STK3: variants seen among roughly 807,000 people sequenced by gnomAD.
STK3 encodes the protein serine/threonine kinase 3.
In STK3, 41 loss-of-function variants were observed where a neutral mutation model predicts 58.0. That is an observed-to-expected ratio of 0.71 (90% CI 0.55 to 0.92). The LOEUF (loss-of-function observed/expected upper bound fraction) is 0.92. Ranked by LOEUF, STK3 falls within the 40% of genes least tolerant of loss-of-function variation. The pLI, the probability that STK3 is intolerant of heterozygous loss-of-function variation, is 0.00. For synonymous variants in STK3, 170 were observed against 191.0 expected (o/e 0.89, Z 0.91); for missense variants, 479 against 602.7 (o/e 0.79, Z 2.15).
chr8:98,555,658 G>T (rs1326953321), intron 8 of STK3, among the ~76,000 whole-genome samples: 1 of 151,884 alleles, frequency 6.6e-6, no homozygotes, highest in Admixed American at 6.6e-5. Context: ...ATATTCTTCA[G>T]AAAAAAACGT....
Position 98,770,383 on chromosome 8 carries a change from A to G in STK3, c.108-3012T>C, listed in dbSNP as rs139845882. 8.6e-3 allele frequency among the ~76,000 whole-genome samples: 1,315 copies of G among 152,330 alleles called. 10 individuals are homozygous for G. Among genetic ancestry groups the G allele is most frequent in the African/African-American group, 0.03 (1,237 of 41,568 alleles). On this transcript the variant is annotated intron_variant, in intron 2 of 10. Coordinates refer to ENST00000419617, the MANE Select transcript of STK3 (RefSeq NM_006281.4). The stretch of plus-strand genomic sequence containing the variant: ...TTTTGCCAATTTTTATCAGAACCCT[A>G]AAGAATATGTGTGAGAACAAATTCT...
intron 1 of STK3, chr8:98,904,582 T>C (rs758561496): frequency 1.0e-4 from 58 of 563,980 alleles, no homozygotes; most frequent in Non-Finnish European, 1.7e-4. Flanking sequence ...TCAGCAATTA[T>C]TCTACCTCCA....
At chr8:98,422,850 C>T (rs940607185) in intron 3 of STK3, among the ~76,000 whole-genome samples, 1 of 152,208 alleles carries the variant, frequency 6.6e-6, no homozygotes, top group Non-Finnish European at 1.5e-5. Flanking sequence ...TTGGCTCCAC[C>T]CTGGAATCAT....
intron 3 of STK3, among the ~76,000 whole-genome samples, chr8:98,836,181 A>G (rs1835740674): frequency 6.6e-6 from 1 of 152,014 alleles, no homozygotes; most frequent in African/African-American, 2.4e-5. Context: ...AGCCTGGGCA[A>G]CAGAGTAAGA....
intron 1 of STK3, among the ~76,000 whole-genome samples, chr8:98,930,988 A>T (rs1008883602): frequency 2.0e-5 from 3 of 152,218 alleles, no homozygotes; most frequent in African/African-American, 7.2e-5. Context: ...TCATTTCTCA[A>T]CACTCAGATC....
intron 3 of STK3, chr8:98,427,960 G>T: frequency 6.7e-7 from 1 of 1,482,838 alleles, no homozygotes; most frequent in Non-Finnish European, 9.0e-7. Flanking sequence ...CGCGCGGCGC[G>T]GGCGGCCGGC....
intron 10 of STK3, among the ~76,000 whole-genome samples, chr8:98,469,475 A>G (rs995012468): frequency 2.0e-5 from 3 of 152,208 alleles, no homozygotes; most frequent in African/African-American, 7.2e-5. Flanking sequence ...TCCTCCCTTG[A>G]GCCAGACACC....
downstream of STK3, among the ~76,000 whole-genome samples, chr8:98,370,145 C>T (rs970304281): frequency 6.1e-4 from 86 of 140,862 alleles, no homozygotes; most frequent in African/African-American, 2.2e-3. Flanking sequence ...CAGTTTGTCT[C>T]TAAGGCCCAT....
chr8:98,896,808 A>G (rs987344198), intron 1 of STK3, among the ~76,000 whole-genome samples: 1 of 151,816 alleles, frequency 6.6e-6, no homozygotes, highest in East Asian at 1.9e-4. Context: ...GTGAAACCCC[A>G]TCTCTACAAA....
intron 6 of STK3, among the ~76,000 whole-genome samples, chr8:98,704,355 A>G (rs1825816970): frequency 6.6e-6 from 1 of 152,204 alleles, no homozygotes; most frequent in Non-Finnish European, 1.5e-5. Context: ...TTAAATAATG[A>G]TATTATTTAA....
intron 3 of STK3, among the ~76,000 whole-genome samples, chr8:98,757,806 A>T (rs1830387363): frequency 6.6e-6 from 1 of 152,184 alleles, no homozygotes; most frequent in Non-Finnish European, 1.5e-5. Flanking sequence ...TAGACTAGTG[A>T]CAAAGAAGAA....
intron 3 of STK3, among the ~76,000 whole-genome samples, chr8:98,419,158 C>A (rs547636247): frequency 1.3e-5 from 2 of 152,056 alleles, no homozygotes; most frequent in South Asian, 4.2e-4. Context: ...GCCAGGAGTT[C>A]GAGACCAGCC....
At chr8:98,726,160 G>A (rs930014938) in intron 4 of STK3, among the ~76,000 whole-genome samples, 15 of 152,180 alleles carry the variant, frequency 9.9e-5, no homozygotes, top group Admixed American at 7.2e-4. Flanking sequence ...GTATGAAGGT[G>A]GGCCTGACTG....
chr8:98,401,978 C>T (rs1336426644), intron 3 of STK3, among the ~76,000 whole-genome samples: 2 of 152,192 alleles, frequency 1.3e-5, no homozygotes, highest in East Asian at 3.9e-4. Flanking sequence ...AAAAATTACC[C>T]CCAAATCCCA....
intron 8 of STK3, among the ~76,000 whole-genome samples, chr8:98,577,008 G>A (rs1386801556): frequency 1.3e-5 from 2 of 152,144 alleles, no homozygotes; most frequent in Non-Finnish European, 2.9e-5. Context: ...AAGGATATTA[G>A]GTATATAAGC....
At chr8:98,376,198 G>A (rs1817672844) in intron 2 of STK3, among the ~76,000 whole-genome samples, 1 of 152,174 alleles carries the variant, frequency 6.6e-6, no homozygotes, top group Admixed American at 6.5e-5. Flanking sequence ...TTACATGTGT[G>A]TATTTGTCAT....
At chr8:98,901,736 G>A (rs1437792232) in intron 1 of STK3, among the ~76,000 whole-genome samples, 1 of 152,348 alleles carries the variant, frequency 6.6e-6, no homozygotes, top group East Asian at 1.9e-4. Context: ...AGGCAGCTGG[G>A]GAGGTCAGGG....
chr8:98,750,027 A>G (rs773560283), intron 3 of STK3, among the ~76,000 whole-genome samples: 1 of 152,114 alleles, frequency 6.6e-6, no homozygotes, highest in Non-Finnish European at 1.5e-5. Context: ...TGGATAAACT[A>G]CATATAGTGA....
At chr8:98,842,428 C>T (rs1006771149) in intron 3 of STK3, among the ~76,000 whole-genome samples, 2 of 152,176 alleles carry the variant, frequency 1.3e-5, no homozygotes, top group African/African-American at 4.8e-5. Context: ...ATAATCCCAA[C>T]ACTTTGGGAG....
Sources: allele counts gnomAD v4.1 joint callset (sites outside exome capture counted in the v4.1 genomes callset), GRCh38; gene constraint gnomAD v4.1.1; transcripts MANE v1.5; gene names NCBI Gene and HGNC (gene_info 2026-07-23, HGNC 2026-07-21).